GABRG3: variants seen among roughly 807,000 people sequenced by gnomAD.
GABRG3 encodes the protein gamma-aminobutyric acid receptor subunit gamma-3.
In GABRG3, 25 loss-of-function variants were observed where a neutral mutation model predicts 48.8. The observed-to-expected ratio is 0.51, with a 90% CI of 0.37 to 0.72. The LOEUF is 0.72. GABRG3 is among the 30% of genes least tolerant of loss of function. The probability of loss-of-function intolerance (pLI) is 0.00; values close to 1 mark genes in which losing one functional copy is unlikely to be tolerated. For synonymous variants in GABRG3, 227 were observed against 217.6 expected (o/e 1.04, Z -0.38); for missense variants, 394 against 577.9 (o/e 0.68, Z 3.26).
At chr15:27,393,795 G>T (rs1020033399) in intron 5 of GABRG3, among the ~76,000 whole-genome samples, 2 of 152,148 alleles carry the variant, frequency 1.3e-5, no homozygotes, top group East Asian at 1.9e-4. Flanking sequence ...TCTGCCTCTG[G>T]CAAGATGGAA....
At chr15:26,992,931 A>T (rs577801479) in intron 2 of GABRG3, among the ~76,000 whole-genome samples, 28 of 152,080 alleles carry the variant, frequency 1.8e-4, no homozygotes, top group African/African-American at 6.5e-4. Flanking sequence ...TCATGGTTCA[A>T]TCTTGGTAGG....
intron 3 of GABRG3, among the ~76,000 whole-genome samples, chr15:27,252,773 A>G (rs1303377656): frequency 6.6e-6 from 1 of 152,214 alleles, no homozygotes; most frequent in Non-Finnish European, 1.5e-5. Flanking sequence ...CATCTTATGG[A>G]TAAAGAAACT....
intron 3 of GABRG3, among the ~76,000 whole-genome samples, chr15:27,098,938 C>G (rs1224686308): frequency 6.6e-6 from 1 of 152,084 alleles, no homozygotes; most frequent in South Asian, 2.1e-4. Flanking sequence ...GGCGGATTGC[C>G]TGGTGACCTT....
intron 5 of GABRG3, among the ~76,000 whole-genome samples, chr15:27,399,985 A>T (rs1009941023): frequency 1.3e-5 from 2 of 152,180 alleles, no homozygotes; most frequent in Non-Finnish European, 2.9e-5. Flanking sequence ...GGGTGATCAA[A>T]ACTGGTGTCT....
intron 5 of GABRG3, among the ~76,000 whole-genome samples, chr15:27,338,632 AG>A (rs1331172311): frequency 1.3e-5 from 2 of 152,150 alleles, no homozygotes; most frequent in Non-Finnish European, 2.9e-5. Context: ...CAGTGCCCCC[AG>A]GGAGGCACCA....
intron 2 of GABRG3, among the ~76,000 whole-genome samples, chr15:26,988,480 A>G (rs1044579378): frequency 1.3e-5 from 2 of 152,110 alleles, no homozygotes; most frequent in Admixed American, 6.5e-5. Context: ...TAGTGTTAGT[A>G]TGGTATATAC....
intron 5 of GABRG3, among the ~76,000 whole-genome samples, chr15:27,388,340 GTGGGAGGGAGGGTA>G (rs1896095154): frequency 1.9e-5 from 1 of 51,882 alleles, no homozygotes; most frequent in East Asian, 1.2e-3. Flanking sequence ...GGAAGGAAAG[GTGGGAGGGAGGGTA>G]AGGAAGGAAG....
chr15:27,088,105 T>TTGTGTGTGTG (rs59358081), intron 3 of GABRG3, among the ~76,000 whole-genome samples: 2 of 147,300 alleles, frequency 1.4e-5, no homozygotes, highest in Non-Finnish European at 3.0e-5. Flanking sequence ...TGTGCCGTGG[T>TTGTGTGTGTG]TGTGTGTGTG....
rs923702424 is a variant in GABRG3 at position 27,319,835 on chromosome 15, AT to A, written c.271-6967del. 3.3e-5 allele frequency among the ~76,000 whole-genome samples: 5 copies of A among 152,292 alleles called. No homozygotes were observed. The highest frequency in any genetic ancestry group is 4.1e-4 in the South Asian group (2 of 4,824). ...TGTAGGCTCTGGGTAGCCATGATACATTTTTTTAATAGCAGCATATATGGTT... is the reference window on the plus strand; with the variant it reads ...TGTAGGCTCTGGGTAGCCATGATACATTTTTTAATAGCAGCATATATGGTT... On this transcript the variant is annotated intron_variant, in intron 3 of 9. Transcript: ENST00000615808. The surrounding 1 kb of genome is among the most constrained non-coding windows in gnomAD (Gnocchi z 4.4).
intron 3 of GABRG3, among the ~76,000 whole-genome samples, chr15:27,273,937 C>T (rs1218704529): frequency 6.6e-6 from 1 of 152,134 alleles, no homozygotes; most frequent in African/African-American, 2.4e-5. Flanking sequence ...CTCATGGATT[C>T]TGAAGAGGTT....
intron 3 of GABRG3, among the ~76,000 whole-genome samples, chr15:27,090,619 T>C (rs989179724): frequency 6.6e-6 from 1 of 152,190 alleles, no homozygotes; most frequent in Admixed American, 6.5e-5. Flanking sequence ...GATTTACATT[T>C]TACTAATGAA....
In GABRG3 at chr15:27,527,607, C is replaced by T. The variant is rs774426380; in HGVS notation, c.1040C>T (p.Thr347Ile). The T allele has an allele frequency of 1.2e-6, 2 of 1,611,462 alleles. No individual in the cohort carries two copies. Among genetic ancestry groups the T allele is most frequent in the African/African-American group, 2.7e-5 (2 of 74,884 alleles). Residue 347 changes from threonine to isoleucine, a missense_variant, in exon 8 of 10, where the codon ACC becomes ATC. This residue lies in a region of GABRG3 where 126 missense variants were observed against 155.5 expected (regional missense o/e 0.81). Transcript: ENST00000615808. ...TACTATTCCAGCTGTAGAAAACCAA[C>T]CACCACGAAGAAGACAACATCGGTG... is the stretch of plus-strand genomic sequence containing the variant. ...LNYYSSCRKPTTTKKTTSLLH... is the reference protein window; with the variant it reads ...LNYYSSCRKPITTKKTTSLLH...
chr15:27,077,830 A>T (rs1896933977), intron 3 of GABRG3, among the ~76,000 whole-genome samples: 1 of 152,188 alleles, frequency 6.6e-6, no homozygotes, highest in South Asian at 2.1e-4. Flanking sequence ...TCCTATGAGG[A>T]CCAAAAAGTT....
chr15:27,094,953 C>T (rs980079432), intron 3 of GABRG3, among the ~76,000 whole-genome samples: 3 of 152,144 alleles, frequency 2.0e-5, no homozygotes, highest in African/African-American at 7.2e-5. Flanking sequence ...GTTTTATACA[C>T]AAGACACATA....
chr15:27,211,258 AT>A (rs1327457522), intron 3 of GABRG3, among the ~76,000 whole-genome samples: 1 of 152,182 alleles, frequency 6.6e-6, no homozygotes, highest in Non-Finnish European at 1.5e-5. Context: ...CAGTGCCATG[AT>A]TTATTATTTA....
chr15:27,152,557 G>A (rs1333883335), intron 3 of GABRG3, among the ~76,000 whole-genome samples: 2 of 152,118 alleles, frequency 1.3e-5, no homozygotes, highest in Non-Finnish European at 2.9e-5. Context: ...TATTAAACCT[G>A]TCTGTCAATT....
In GABRG3 at chr15:27,236,557, C is replaced by G. The variant is rs1889972567; in HGVS notation, c.271-90252C>G. Among the ~76,000 whole-genome samples the G allele has an allele frequency of 6.6e-6, 1 of 152,218 alleles. No homozygotes were observed. Among genetic ancestry groups the G allele is most frequent in the Non-Finnish European group, 1.5e-5 (1 of 68,040 alleles). On this transcript the variant is annotated intron_variant, in intron 3 of 9. Transcript: ENST00000615808. The surrounding 1 kb of genome is among the most constrained non-coding windows in gnomAD (Gnocchi z 4.4). The stretch of plus-strand genomic sequence containing the variant: ...CAACTTATCCCTTTATCGCCCTTAG[C>G]CAGTCACCTGAGGCCAGGATCAGAC...
rs953660626 is a variant in GABRG3 at position 27,534,533 on chromosome 15, A to G, written c.*1652A>G. On this transcript the variant is annotated 3_prime_UTR_variant, in exon 10 of 10. Transcript: ENST00000615808. ...TGAAACCAGAATCTCTGTGCTTCTC[A>G]TCTTTCTCACATAGAAAACTGAATT... The G allele has an allele frequency of 1.3e-5, 2 of 152,218 alleles. No individual in the cohort carries two copies. Among genetic ancestry groups the G allele is most frequent in the Non-Finnish European group, 2.9e-5 (2 of 68,042 alleles). The allele number at this position is 152,218 out of a possible 1,614,324, so 9.4% of individuals were successfully genotyped here.
chr15:27,497,006 C>A (rs1408262401), intron 6 of GABRG3, among the ~76,000 whole-genome samples: 1 of 145,316 alleles, frequency 6.9e-6, no homozygotes, highest in Admixed American at 6.6e-5. Flanking sequence ...CAGGTCTCAG[C>A]AGCACCAAGC....
Sources: gnomAD v4.1 joint callset for allele counts (sites outside exome capture counted in the v4.1 genomes callset) on GRCh38, gnomAD v4.1.1 for gene constraint, gnomAD v4.1.1 regional missense constraint, Gnocchi (gnomAD v3.1) non-coding constraint, MANE v1.5 for transcripts, NCBI Gene and HGNC (gene_info 2026-07-23, HGNC 2026-07-21) for gene names.